HS6ST2: variants seen among roughly 807,000 people sequenced by gnomAD.
HS6ST2 encodes the protein heparan-sulfate 6-O-sulfotransferase 2.
In HS6ST2, 17 loss-of-function variants were observed where a neutral mutation model predicts 33.0. The ratio of observed to expected loss-of-function variants is 0.52; its 90% CI spans 0.35 to 0.77. The LOEUF is 0.77. HS6ST2 is among the 30% of genes least tolerant of loss of function. HS6ST2 has a pLI of 0.01. For missense variants in HS6ST2, 519 were observed against 551.7 expected (o/e 0.94, Z 0.59); for synonymous variants, 248 against 237.1 (o/e 1.05, Z -0.42).
intron 2 of HS6ST2, among the ~76,000 whole-genome samples, chrX:132,927,982 A>T (rs2066727429): frequency 9.0e-6 from 1 of 111,575 alleles, no homozygotes; most frequent in East Asian, 2.8e-4. Flanking sequence ...CAAGAAACAG[A>T]GTGTTAGCAT....
chrX:132,793,949 G>A (rs1261655354), intron 2 of HS6ST2, among the ~76,000 whole-genome samples: 2 of 112,298 alleles, frequency 1.8e-5, no homozygotes, highest in African/African-American at 6.5e-5. Flanking sequence ...TAGATATTCC[G>A]TGCCACGTTT....
At chrX:132,854,549 T>A in intron 2 of HS6ST2, among the ~76,000 whole-genome samples, 1 of 112,698 alleles carries the variant, frequency 8.9e-6, no homozygotes, top group Non-Finnish European at 1.9e-5. Context: ...TACATGTGTT[T>A]AACTTATTGC....
intron 2 of HS6ST2, among the ~76,000 whole-genome samples, chrX:132,884,301 G>C (rs758662596): frequency 2.7e-5 from 3 of 112,007 alleles, no homozygotes; most frequent in South Asian, 3.8e-4. Context: ...AGGAGGGAGA[G>C]AGATGAAGGA....
At chrX:132,646,729 T>A (rs1006586328) in intron 4 of HS6ST2, among the ~76,000 whole-genome samples, 1 of 110,228 alleles carries the variant, frequency 9.1e-6, no homozygotes, top group Non-Finnish European at 1.9e-5. Flanking sequence ...GAGAGTGTAT[T>A]AGTCCATTCC....
At chrX:132,796,314 C>A (rs755841689) in intron 2 of HS6ST2, among the ~76,000 whole-genome samples, 9 of 111,796 alleles carry the variant, frequency 8.1e-5, no homozygotes, top group African/African-American at 2.9e-4. Context: ...TTCCATCCAA[C>A]CTACCGAATT....
intron 2 of HS6ST2, among the ~76,000 whole-genome samples, chrX:132,767,103 C>T (rs745829498): frequency 8.9e-6 from 1 of 112,416 alleles, no homozygotes; most frequent in African/African-American, 3.2e-5. Flanking sequence ...GGACAAAGAA[C>T]ATAGTCTCCC....
intron 4 of HS6ST2, 102 bp downstream of exon 4, chrX:132,669,011 C>A: frequency 1.9e-6 from 1 of 535,782 alleles, no homozygotes; most frequent in South Asian, 3.3e-5. Flanking sequence ...AGAAGACATT[C>A]CACAAATCTT....
chrX:132,791,925 G>T (rs1451151192), intron 2 of HS6ST2, among the ~76,000 whole-genome samples: 1 of 111,422 alleles, frequency 9.0e-6, no homozygotes, highest in African/African-American at 3.3e-5. Context: ...TGAGGCTGCA[G>T]TAAGCCATAA....
chrX:132,737,907 G>C (rs2064524464), intron 2 of HS6ST2, among the ~76,000 whole-genome samples: 1 of 112,401 alleles, frequency 8.9e-6, no homozygotes, highest in South Asian at 3.7e-4. Flanking sequence ...CACCAGAGAA[G>C]ACGCCTGCAG....
chrX:132,918,612 T>G (rs935033942), intron 2 of HS6ST2, among the ~76,000 whole-genome samples: 2 of 111,807 alleles, frequency 1.8e-5, no homozygotes, highest in African/African-American at 6.5e-5. Context: ...GGAGCCCATT[T>G]GCTACCTGCT....
At chrX:132,727,955 G>T (rs1371209535) in intron 2 of HS6ST2, among the ~76,000 whole-genome samples, 1 of 111,955 alleles carries the variant, frequency 8.9e-6, no homozygotes, top group Admixed American at 9.4e-5. Flanking sequence ...GCATGTTGTA[G>T]CATGTACCAA....
chrX:132,952,521 C>T (rs766915958), intron 2 of HS6ST2, among the ~76,000 whole-genome samples: 5 of 111,010 alleles, frequency 4.5e-5, no homozygotes, highest in Admixed American at 1.9e-4. Context: ...AAAGCGTGGG[C>T]TTGTGAGGCA....
In HS6ST2 at chrX:132,866,909, A is replaced by G. The variant is rs1278455320; in HGVS notation, c.947+89899T>C. Among the ~76,000 whole-genome samples, 163 of 107,129 alleles carry G rather than the reference A, an allele frequency of 1.5e-3. 3 individuals carry two copies. The highest frequency in any genetic ancestry group is 1.0e-3 in the Non-Finnish European group (54 of 52,012). 93.0% of individuals were successfully genotyped at this position (107,129 alleles called of 115,157 possible). A position where few individuals can be genotyped will look rare whatever the true frequency, so the allele number is the denominator to read the frequency against. On this transcript the variant is annotated intron_variant, in intron 2 of 4. Transcript: ENST00000370833. Reference sequence around the variant, plus strand: ...GACGATGGGGTTTTCTAGATATACAATCATGTCGTCTGCAAACAGGGACAA... The same window carrying G: ...GACGATGGGGTTTTCTAGATATACAGTCATGTCGTCTGCAAACAGGGACAA...
At chrX:132,868,955 A>G (rs893907440) in intron 2 of HS6ST2, among the ~76,000 whole-genome samples, 8 of 108,816 alleles carry the variant, frequency 7.4e-5, no homozygotes, top group African/African-American at 1.0e-4. Flanking sequence ...GGAGATAGAG[A>G]GACGAAAAAC....
At chrX:132,648,538 C>CAA (rs386417567) in intron 4 of HS6ST2, among the ~76,000 whole-genome samples, 11,363 of 57,345 alleles carry the variant, frequency 0.2, 941 homozygotes, top group Middle Eastern at 0.37. Flanking sequence ...TGGAAAGAGA[C>CAA]AAAAAAAAAA....
At position 132,628,311 on chromosome X, in the gene HS6ST2, C is replaced by T. The variant is rs2148593287; in HGVS notation, c.1850G>A (p.Ser617Asn). ...CTCCTTGCCTGAGTTCTGCTTCGGG[C>T]TTTCCCGGTTCTCCTTCTGGCTCAA... is the stretch of plus-strand genomic sequence containing the variant. ...QSLSQKENRE[S>N]PKQNSGKEQN... The change falls in exon 5 of 5, where the codon AGC (serine) becomes AAC (asparagine). Residue 617 changes from serine to asparagine, a missense_variant. Physicochemically the swap from Ser to Asn is conservative, Grantham distance 46. Coordinates refer to ENST00000370833, the MANE Select transcript of HS6ST2 (RefSeq NM_001394073.1). 8.6e-7 allele frequency: 1 copy of T among 1,166,002 alleles called. No homozygotes were observed. The highest frequency in any genetic ancestry group is 1.9e-5 in the South Asian group (1 of 52,596).
At chrX:132,646,239 A>G (rs892079944) in intron 4 of HS6ST2, among the ~76,000 whole-genome samples, 4 of 111,988 alleles carry the variant, frequency 3.6e-5, no homozygotes, top group Non-Finnish European at 7.5e-5. Flanking sequence ...CCAGCAATCC[A>G]CAATGTAAAG....
At chrX:132,730,583 AG>A in intron 2 of HS6ST2, among the ~76,000 whole-genome samples, 2 of 112,212 alleles carry the variant, frequency 1.8e-5, no homozygotes, top group Middle Eastern at 9.2e-3. Context: ...GTTCAAGAAA[AG>A]CCCACGTGGG....
chrX:132,731,634 T>C (rs986696459), intron 2 of HS6ST2, among the ~76,000 whole-genome samples: 1 of 111,450 alleles, frequency 9.0e-6, no homozygotes, highest in Non-Finnish European at 1.9e-5. Context: ...GATCACGAGG[T>C]CAGGAGATCG....
Sources: gnomAD v4.1 joint callset for allele counts (sites outside exome capture counted in the v4.1 genomes callset) on GRCh38, gnomAD v4.1.1 for gene constraint, MANE v1.5 for transcripts, NCBI Gene and HGNC (gene_info 2026-07-23, HGNC 2026-07-21) for gene names.